The following ARHGAP15 variants were observed in gnomAD, a reference collection of about 807,000 sequenced individuals.
The protein encoded by ARHGAP15 is rho GTPase-activating protein 15.
In ARHGAP15, 51 loss-of-function variants were observed where a neutral mutation model predicts 63.7. The observed-to-expected ratio is 0.80, with a 90% CI of 0.64 to 1.01. The LOEUF is 1.01. Ranked by LOEUF, ARHGAP15 falls within the 50% of genes least tolerant of loss-of-function variation. The pLI is 0.00. For missense variants in ARHGAP15, 560 were observed against 564.6 expected (o/e 0.99, Z 0.08); for synonymous variants, 191 against 193.8 (o/e 0.99, Z 0.12).
chr2:143,334,444 T>A (rs1480779977), intron 6 of ARHGAP15, among the ~76,000 whole-genome samples: 1 of 152,188 alleles, frequency 6.6e-6, no homozygotes, highest in African/African-American at 2.4e-5. Flanking sequence ...CACACATATG[T>A]GTCCATTTTT....
At chr2:143,383,327 C>G (rs1687135874) in intron 6 of ARHGAP15, among the ~76,000 whole-genome samples, 1 of 152,094 alleles carries the variant, frequency 6.6e-6, no homozygotes, top group Non-Finnish European at 1.5e-5. Flanking sequence ...AAGCAGATTT[C>G]TTGGCTCACT....
At chr2:143,662,224 C>A (rs554818769) in intron 12 of ARHGAP15, among the ~76,000 whole-genome samples, 1 of 151,940 alleles carries the variant, frequency 6.6e-6, no homozygotes, top group African/African-American at 2.4e-5. Context: ...GATCTGAGAA[C>A]GGGCAGACTG....
chr2:143,224,780 T>C (rs1368123575), intron 4 of ARHGAP15, among the ~76,000 whole-genome samples: 1 of 152,176 alleles, frequency 6.6e-6, no homozygotes, highest in African/African-American at 2.4e-5. Flanking sequence ...AGAGAGTCAC[T>C]ATGTTAAAGT....
At chr2:143,347,588 T>C (rs927430946) in intron 6 of ARHGAP15, among the ~76,000 whole-genome samples, 6 of 152,190 alleles carry the variant, frequency 3.9e-5, no homozygotes, top group African/African-American at 1.4e-4. Flanking sequence ...TGTGCCTAAA[T>C]GCTGTCAGAT....
chr2:143,736,299 G>A (rs1250832940), intron 13 of ARHGAP15, among the ~76,000 whole-genome samples: 1 of 152,052 alleles, frequency 6.6e-6, no homozygotes, highest in Non-Finnish European at 1.5e-5. Context: ...AGGAGGCTGA[G>A]GCAGGAGATT....
At chr2:143,179,082 G>T (rs1186982681) in intron 2 of ARHGAP15, among the ~76,000 whole-genome samples, 3 of 152,192 alleles carry the variant, frequency 2.0e-5, no homozygotes, top group Non-Finnish European at 2.9e-5. Context: ...CTTCTCTAGT[G>T]CAGTGATTAC....
chr2:143,566,505 T>G (rs1696229337), intron 11 of ARHGAP15, among the ~76,000 whole-genome samples: 1 of 152,102 alleles, frequency 6.6e-6, no homozygotes, highest in Non-Finnish European at 1.5e-5. Flanking sequence ...CTAAGAACCC[T>G]GGTGATGGGT....
intron 8 of ARHGAP15, among the ~76,000 whole-genome samples, chr2:143,471,029 G>T (rs1202602665): frequency 6.7e-6 from 1 of 148,240 alleles, no homozygotes; most frequent in South Asian, 2.1e-4. Context: ...GAATATGTGT[G>T]TATATATGCA....
intron 12 of ARHGAP15, among the ~76,000 whole-genome samples, chr2:143,648,210 C>G (rs913882164): frequency 6.6e-6 from 1 of 152,042 alleles, no homozygotes; most frequent in South Asian, 2.1e-4. Flanking sequence ...ATAATTTAAA[C>G]TTTAGCCTTC....
intron 6 of ARHGAP15, among the ~76,000 whole-genome samples, chr2:143,301,727 A>G (rs942761311): frequency 1.3e-5 from 2 of 151,854 alleles, no homozygotes; most frequent in South Asian, 4.2e-4. Flanking sequence ...CCATATGTGT[A>G]TATATGTGTA....
At chr2:143,522,041 G>C (rs1258591095) in intron 10 of ARHGAP15, 1 of 152,054 alleles carries the variant, frequency 6.6e-6, no homozygotes, top group Non-Finnish European at 1.5e-5. Context: ...CCAGTACTTG[G>C]CAAAAGATGC....
chr2:143,644,600 T>C (rs1680777645), intron 12 of ARHGAP15, among the ~76,000 whole-genome samples: 1 of 152,052 alleles, frequency 6.6e-6, no homozygotes, highest in Non-Finnish European at 1.5e-5. Context: ...AGTGTACCTT[T>C]GTAAGGAATT....
At chr2:143,556,693 T>C (rs575078212) in intron 11 of ARHGAP15, among the ~76,000 whole-genome samples, 23 of 151,860 alleles carry the variant, frequency 1.5e-4, no homozygotes, top group African/African-American at 5.3e-4. Flanking sequence ...AAATTAATAG[T>C]CTATGTGAAA....
chr2:143,216,494 T>C, intron 4 of ARHGAP15, 49 bp downstream of exon 4: 1 of 1,359,614 alleles, frequency 7.4e-7, no homozygotes, highest in Non-Finnish European at 1.0e-6. Context: ...TGGTTCTTCA[T>C]ATGCTAAACT....
chr2:143,518,732 G>A (rs1387964483), intron 9 of ARHGAP15: 1 of 152,480 alleles, frequency 6.6e-6, no homozygotes, highest in East Asian at 1.9e-4. Context: ...AAGGAAAGGT[G>A]ATAGTTAGAT....
intron 12 of ARHGAP15, among the ~76,000 whole-genome samples, chr2:143,660,394 G>A (rs1681696932): frequency 6.6e-6 from 1 of 152,184 alleles, no homozygotes; most frequent in Non-Finnish European, 1.5e-5. Context: ...ACGTTCCATA[G>A]TTTTTGGCAG....
intron 2 of ARHGAP15, among the ~76,000 whole-genome samples, chr2:143,197,211 T>A (rs937413770): frequency 3.9e-5 from 6 of 151,950 alleles, no homozygotes; most frequent in African/African-American, 1.4e-4. Context: ...ACAAGTATAT[T>A]TTGATCACTT....
chr2:143,142,262 A>G (rs142306616), intron 1 of ARHGAP15, among the ~76,000 whole-genome samples: 1 of 152,246 alleles, frequency 6.6e-6, no homozygotes, highest in Non-Finnish European at 1.5e-5. Context: ...AGCAGAGGGT[A>G]ATGATTAGAG....
At chr2:143,487,326 A>G (rs1559003947) in intron 8 of ARHGAP15, 47 bp from the exon 9 acceptor site, 3 of 1,579,414 alleles carry the variant, frequency 1.9e-6, no homozygotes, top group East Asian at 2.3e-5. Flanking sequence ...AGTAATAATC[A>G]TAAAGGAGAA....
Sources: gnomAD v4.1 joint callset for allele counts (sites outside exome capture counted in the v4.1 genomes callset) on GRCh38, gnomAD v4.1.1 for gene constraint, MANE v1.5 for transcripts, NCBI Gene and HGNC (gene_info 2026-07-23, HGNC 2026-07-21) for gene names.